Variants in SSH2 observed in about 807,000 individuals in gnomAD.
SSH2 encodes the protein slingshot protein phosphatase 2.
SSH2 carries 37 observed loss-of-function variants against 135.2 expected under a neutral mutation model. The observed-to-expected ratio is 0.27, with a 90% CI of 0.21 to 0.36. The LOEUF is 0.36. Among genes scored for constraint, SSH2 ranks in the 10% least tolerant of loss-of-function variants. The probability of loss-of-function intolerance (pLI) is 1.00; values close to 1 mark genes in which losing one functional copy is unlikely to be tolerated. For missense variants in SSH2, 1,408 were observed against 1,765.3 expected (o/e 0.80, Z 3.63); for synonymous variants, 628 against 646.2 (o/e 0.97, Z 0.43).
At chr17:29,653,078 C>T (rs2036641939) in intron 12 of SSH2, among the ~76,000 whole-genome samples, 1 of 152,198 alleles carries the variant, frequency 6.6e-6, no homozygotes, top group Non-Finnish European at 1.5e-5. Context: ...CATTACAAAG[C>T]TGTAGGCAGT....
chr17:29,916,736 T>C (rs1442718381), intron 1 of SSH2, among the ~76,000 whole-genome samples: 2 of 152,204 alleles, frequency 1.3e-5, no homozygotes, highest in Non-Finnish European at 2.9e-5. Context: ...ATTTTTATTC[T>C]AAATCACAAT....
chr17:29,738,915 A>G (rs910975820), intron 3 of SSH2, among the ~76,000 whole-genome samples: 4 of 152,234 alleles, frequency 2.6e-5, no homozygotes, highest in African/African-American at 4.8e-5. Context: ...CCTCAAAAGC[A>G]TAATTGTTTG....
intron 1 of SSH2, among the ~76,000 whole-genome samples, chr17:29,866,862 T>G (rs990261721): frequency 6.6e-6 from 1 of 152,206 alleles, no homozygotes; most frequent in African/African-American, 2.4e-5. Flanking sequence ...AGACAAGGTC[T>G]CGCTCTGTTG....
intron 2 of SSH2, among the ~76,000 whole-genome samples, chr17:29,809,724 TA>T (rs936317060): frequency 6.6e-6 from 1 of 151,892 alleles, no homozygotes; most frequent in Admixed American, 6.6e-5. Context: ...CCCAGCTCAT[TA>T]AAAAAAATTT....
At chr17:29,693,287 C>T (rs762386741) in intron 5 of SSH2, among the ~76,000 whole-genome samples, 3 of 151,576 alleles carry the variant, frequency 2.0e-5, no homozygotes, top group East Asian at 3.9e-4. Flanking sequence ...GCATCCCCCC[C>T]GTTCCCTTTT....
intron 3 of SSH2, among the ~76,000 whole-genome samples, chr17:29,792,607 T>C (rs1208511772): frequency 6.6e-6 from 1 of 152,182 alleles, no homozygotes; most frequent in East Asian, 1.9e-4. Context: ...TTATATTAAG[T>C]TGTAGTTTAC....
At chr17:29,685,359 C>T (rs1347434761) in intron 5 of SSH2, among the ~76,000 whole-genome samples, 1 of 152,140 alleles carries the variant, frequency 6.6e-6, no homozygotes, top group African/African-American at 2.4e-5. Context: ...ATTGTGGTTA[C>T]TGTGACTTTT....
intron 4 of SSH2, among the ~76,000 whole-genome samples, 178 bp downstream of exon 4, chr17:29,702,781 C>T (rs1395285668): frequency 6.6e-6 from 1 of 152,182 alleles, no homozygotes; most frequent in Non-Finnish European, 1.5e-5. Flanking sequence ...GTGTAAAAGG[C>T]TTTTTGCGAA....
At chr17:29,660,669 A>G (rs1290043642) in intron 11 of SSH2, among the ~76,000 whole-genome samples, 1 of 152,104 alleles carries the variant, frequency 6.6e-6, no homozygotes, top group African/African-American at 2.4e-5. Flanking sequence ...TTTTTCCCAT[A>G]TTAAAATGGA....
rs2035531176 is a variant in SSH2, at chr17:29,627,421, C to A, written c.*3420G>T. The A allele has an allele frequency of 6.6e-6, 1 of 152,424 alleles. No homozygotes were observed. The allele number at this position is 152,424 out of a possible 1,614,324, so 9.4% of individuals were successfully genotyped here. ...CTTCTCATAGGAAGCTTTGAGTTTA[C>A]CCAACAGCATCTGTCTGGGGCCTGT... On this transcript the variant is annotated 3_prime_UTR_variant, in exon 16 of 16. Coordinates refer to ENST00000540801, the MANE Select transcript of SSH2 (RefSeq NM_001282129.2).
chr17:29,662,820 GATGTCAAATCTTGTA>G (rs938815528), intron 11 of SSH2, among the ~76,000 whole-genome samples: 1 of 152,180 alleles, frequency 6.6e-6, no homozygotes, highest in African/African-American at 2.4e-5. Flanking sequence ...TTTCCCAAAA[GATGTCAAATCTTGTA>G]ATGTCAAATC....
chr17:29,831,209 A>G (rs1045488150), intron 2 of SSH2, among the ~76,000 whole-genome samples: 2 of 152,142 alleles, frequency 1.3e-5, no homozygotes, highest in Non-Finnish European at 2.9e-5. Flanking sequence ...AAGCAGTTAC[A>G]TGTAGAAAGA....
chr17:29,813,256 GC>G (rs2042480795), intron 2 of SSH2, among the ~76,000 whole-genome samples: 1 of 151,940 alleles, frequency 6.6e-6, no homozygotes, highest in South Asian at 2.1e-4. Flanking sequence ...AGTGGTGAGC[GC>G]CTGTAATCCC....
At chr17:29,757,523 A>G (rs572646498) in intron 3 of SSH2, among the ~76,000 whole-genome samples, 1 of 152,178 alleles carries the variant, frequency 6.6e-6, no homozygotes, top group African/African-American at 2.4e-5. Flanking sequence ...TAAATGCTAA[A>G]TAAACATGAC....
chr17:29,632,249 G>A lies in SSH2; in HGVS notation c.2945C>T (p.Pro982Leu), dbSNP rs200852637. 2 of 1,613,990 alleles carry A rather than the reference G, an allele frequency of 1.2e-6. No individual in the cohort carries two copies. Among genetic ancestry groups the A allele is most frequent in the Admixed American group, 3.3e-5 (2 of 60,012 alleles). ...LSHSEQNATV[P>L]APRVLEFDHL... ...GTCAAACTCCAGCACCCTGGGAGCT[G>A]GAACAGTGGCATTCTGCTCAGAATG... The change falls in exon 16 of 16, where the codon CCA (proline) becomes CTA (leucine). Residue 982 changes from proline to leucine, a missense_variant. Pro to Leu is a moderately conservative substitution (Grantham distance 98). Coordinates refer to ENST00000540801, the MANE Select transcript of SSH2 (RefSeq NM_001282129.2).
At chr17:29,871,489 A>C (rs1244304218) in intron 1 of SSH2, among the ~76,000 whole-genome samples, 2 of 152,234 alleles carry the variant, frequency 1.3e-5, no homozygotes, top group Non-Finnish European at 2.9e-5. Context: ...AGATTTGAAA[A>C]TATACTCTCT....
chr17:29,815,561 T>C (rs886192840), intron 2 of SSH2, among the ~76,000 whole-genome samples: 2 of 152,234 alleles, frequency 1.3e-5, no homozygotes, highest in Non-Finnish European at 2.9e-5. Flanking sequence ...GTGCCCAGCC[T>C]GTTCCTTTTC....
At chr17:29,706,544 C>A (rs759976408) in intron 3 of SSH2, among the ~76,000 whole-genome samples, 1 of 152,126 alleles carries the variant, frequency 6.6e-6, no homozygotes, top group African/African-American at 2.4e-5. Flanking sequence ...ACTCACATTA[C>A]GGGAACAACC....
chr17:29,669,557 T>G (rs1176612462), intron 9 of SSH2, among the ~76,000 whole-genome samples: 7 of 152,142 alleles, frequency 4.6e-5, no homozygotes, highest in African/African-American at 1.7e-4. Flanking sequence ...CTCCTCAATT[T>G]CATTGGAGAA....
Sources: gnomAD v4.1 joint callset for allele counts (sites outside exome capture counted in the v4.1 genomes callset) on GRCh38, gnomAD v4.1.1 for gene constraint, MANE v1.5 for transcripts, NCBI Gene and HGNC (gene_info 2026-07-23, HGNC 2026-07-21) for gene names.